DOCK3: variants seen among roughly 807,000 people sequenced by gnomAD.
DOCK3 encodes dedicator of cytokinesis 3.
A neutral mutation model predicts 265.6 loss-of-function variants in DOCK3; 60 were observed. The ratio of observed to expected loss-of-function variants is 0.23; its 90% confidence interval spans 0.18 to 0.28. The LOEUF (loss-of-function observed/expected upper bound fraction) is 0.28. DOCK3 is among the 10% of genes least tolerant of loss of function. The pLI is 1.00. For synonymous variants in DOCK3, 881 were observed against 938.0 expected (o/e 0.94, Z 1.11); for missense variants, 1,981 against 2,594.3 (o/e 0.76, Z 5.14).
At chr3:50,749,631 A>C (rs1461540486) in intron 1 of DOCK3, among the ~76,000 whole-genome samples, 2 of 152,100 alleles carry the variant, frequency 1.3e-5, no homozygotes, top group Admixed American at 6.6e-5. Context: ...TGGATTAAGC[A>C]TGTCTCACAG....
chr3:51,084,460 G>A (rs934528937), intron 7 of DOCK3, among the ~76,000 whole-genome samples: 3 of 152,084 alleles, frequency 2.0e-5, no homozygotes, highest in East Asian at 1.9e-4. Flanking sequence ...ATTGGTGGGG[G>A]CATGAGGGGA....
At chr3:51,199,802 AC>A (rs2088591575) in intron 12 of DOCK3, among the ~76,000 whole-genome samples, 1 of 152,208 alleles carries the variant, frequency 6.6e-6, no homozygotes, top group Admixed American at 6.5e-5. Context: ...GCAGACTGAC[AC>A]CTCACACGGC....
chr3:50,915,554 A>G (rs913296755), intron 4 of DOCK3, among the ~76,000 whole-genome samples: 3 of 152,022 alleles, frequency 2.0e-5, no homozygotes, highest in African/African-American at 4.8e-5. Context: ...TCTCTGGGAT[A>G]TGGGGTACTG....
At chr3:51,104,183 T>C (rs2083188131) in intron 9 of DOCK3, among the ~76,000 whole-genome samples, 1 of 152,078 alleles carries the variant, frequency 6.6e-6, no homozygotes, top group Admixed American at 6.6e-5. Context: ...CCACAGCAAC[T>C]TCAGAAGCTC....
intron 39 of DOCK3, among the ~76,000 whole-genome samples, 192 bp from the exon 40 acceptor site, chr3:51,350,096 G>A (rs1275628967): frequency 6.6e-6 from 1 of 152,214 alleles, no homozygotes; most frequent in Non-Finnish European, 1.5e-5. Context: ...AGACAGTGGT[G>A]ATGGAGGGCT....
chr3:51,363,503 T>G (rs1430587417), intron 49 of DOCK3, among the ~76,000 whole-genome samples: 1 of 152,248 alleles, frequency 6.6e-6, no homozygotes, highest in Non-Finnish European at 1.5e-5. Flanking sequence ...TTTATTTTAT[T>G]ATACTTTAAG....
intron 14 of DOCK3, among the ~76,000 whole-genome samples, chr3:51,215,550 C>CT (rs1231250521): frequency 6.6e-6 from 1 of 152,198 alleles, no homozygotes; most frequent in African/African-American, 2.4e-5. Flanking sequence ...TGGAGTTCTT[C>CT]ATGGTGGTTC....
chr3:50,854,612 G>C (rs1401498189), intron 3 of DOCK3, among the ~76,000 whole-genome samples: 4 of 2,424 alleles, frequency 1.7e-3, no homozygotes, highest in African/African-American at 2.7e-3. Context: ...TTTTTTTTTG[G>C]TGGTCTCATT....
intron 18 of DOCK3, 116 bp downstream of exon 18, chr3:51,228,948 G>T (rs2090439682): frequency 1.5e-6 from 2 of 1,305,550 alleles, no homozygotes; most frequent in East Asian, 2.5e-5. Context: ...ATAATAATGG[G>T]CTTCTTTTCA....
chr3:51,040,577 A>G (rs1435816781), intron 5 of DOCK3, among the ~76,000 whole-genome samples: 2 of 152,118 alleles, frequency 1.3e-5, no homozygotes, highest in Non-Finnish European at 2.9e-5. Flanking sequence ...ATTTCTTAAG[A>G]CAACAAATTT....
At chr3:50,946,705 A>G (rs2076438228) in intron 5 of DOCK3, among the ~76,000 whole-genome samples, 1 of 152,180 alleles carries the variant, frequency 6.6e-6, no homozygotes, top group African/African-American at 2.4e-5. Flanking sequence ...TGGAAATGCC[A>G]TTGTTTTGCT....
At chr3:51,117,650 G>T (rs4927984) in intron 9 of DOCK3, among the ~76,000 whole-genome samples, 137,153 of 152,182 alleles carry the variant, frequency 0.9, 61,993 homozygotes, top group African/African-American at 0.95. Context: ...GAACTTGTTG[G>T]TCTATTCAGG....
intron 23 of DOCK3, among the ~76,000 whole-genome samples, chr3:51,261,593 G>A (rs1013843195): frequency 1.3e-5 from 2 of 152,174 alleles, no homozygotes; most frequent in South Asian, 4.1e-4. Context: ...GGGGGCTGAA[G>A]CCAGGGAGAC....
In DOCK3 at chr3:50,900,229, C is replaced by G. The variant is rs1046204482; in HGVS notation, c.218+10148C>G. Among the ~76,000 whole-genome samples, 3 of 151,812 alleles carry G rather than the reference C, an allele frequency of 2.0e-5. No individual in the cohort carries two copies. In the East Asian group the frequency reaches 5.8e-4, roughly 30 times the overall value. Reference sequence around the variant, plus strand: ...TCTCGCTTTATTTCATTAAGTTGATCTTCAATCTCTGATATCCTTGCTTCC... The same window carrying G: ...TCTCGCTTTATTTCATTAAGTTGATGTTCAATCTCTGATATCCTTGCTTCC... On this transcript the variant is annotated intron_variant, in intron 4 of 52. Coordinates refer to ENST00000266037, the MANE Select transcript of DOCK3 (RefSeq NM_004947.5).
At chr3:50,761,564 C>T (rs142059843) in intron 1 of DOCK3, among the ~76,000 whole-genome samples, 14 of 152,188 alleles carry the variant, frequency 9.2e-5, no homozygotes, top group South Asian at 2.1e-4. Flanking sequence ...CCTGGGAAGC[C>T]GTCAAAAGTG....
At chr3:51,146,755 TG>T in intron 10 of DOCK3, 125 bp downstream of exon 10, 2 of 751,362 alleles carry the variant, frequency 2.7e-6, no homozygotes, top group Non-Finnish European at 4.2e-6. Context: ...GAATAGGACT[TG>T]ATTTATGTTT....
intron 5 of DOCK3, among the ~76,000 whole-genome samples, chr3:51,045,470 G>T (rs533394297): frequency 6.6e-6 from 1 of 152,222 alleles, no homozygotes; most frequent in South Asian, 2.1e-4. Context: ...TTGAAATATT[G>T]CAAGAATTAC....
At chr3:51,099,345 C>T (rs2082990984) in intron 9 of DOCK3, among the ~76,000 whole-genome samples, 1 of 152,144 alleles carries the variant, frequency 6.6e-6, no homozygotes, top group Non-Finnish European at 1.5e-5. Context: ...CTGTATATGC[C>T]ATCCTTCATT....
chr3:50,918,253 A>C lies in DOCK3; in HGVS notation c.219-15728A>C, dbSNP rs189260415. ...ATGTGTCTTTATAGTAGCATGCTTTATAATCCGTTGGATATATACCCAGTA... is the reference window on the plus strand; with the variant it reads ...ATGTGTCTTTATAGTAGCATGCTTTCTAATCCGTTGGATATATACCCAGTA... On this transcript the variant is annotated intron_variant, in intron 4 of 52. Transcript: ENST00000266037. Among the ~76,000 whole-genome samples, 158 of 152,276 alleles carry C rather than the reference A, an allele frequency of 1.0e-3. 1 individual carries two copies. Among genetic ancestry groups the C allele is most frequent in the East Asian group, 7.9e-3 (41 of 5,188 alleles).
Sources: allele counts gnomAD v4.1 joint callset (sites outside exome capture counted in the v4.1 genomes callset), GRCh38; gene constraint gnomAD v4.1.1; transcripts MANE v1.5; gene names NCBI Gene and HGNC (gene_info 2026-07-23, HGNC 2026-07-21).